GPR158: variants seen among roughly 807,000 people sequenced by gnomAD.
GPR158 encodes G protein-coupled receptor 158, also known as metabotropic glycine receptor.
In GPR158, 30 loss-of-function variants were observed where a neutral mutation model predicts 78.2. That is an observed-to-expected ratio of 0.38 (90% CI 0.29 to 0.52). The LOEUF (loss-of-function observed/expected upper bound fraction) is 0.52. Among genes scored for constraint, GPR158 ranks in the 20% least tolerant of loss-of-function variants. The probability of loss-of-function intolerance (pLI) is 0.83; values close to 1 mark genes in which losing one functional copy is unlikely to be tolerated. For synonymous variants in GPR158, 581 were observed against 591.1 expected (o/e 0.98, Z 0.25); for missense variants, 1,463 against 1,523.5 (o/e 0.96, Z 0.66).
chr10:25,429,517 T>G (rs1426700332), intron 4 of GPR158, among the ~76,000 whole-genome samples: 1 of 152,134 alleles, frequency 6.6e-6, no homozygotes, highest in African/African-American at 2.4e-5. Context: ...TAGATTACCT[T>G]TCCTTAAAAC....
intron 5 of GPR158, among the ~76,000 whole-genome samples, chr10:25,483,634 C>T (rs574244455): frequency 4.3e-4 from 65 of 152,228 alleles, no homozygotes; most frequent in African/African-American, 1.6e-3. Context: ...AAATTTGAAT[C>T]CGCTGCTGTT....
At chr10:25,229,793 G>T (rs1853424255) in intron 2 of GPR158, among the ~76,000 whole-genome samples, 1 of 152,174 alleles carries the variant, frequency 6.6e-6, no homozygotes, top group Non-Finnish European at 1.5e-5. Flanking sequence ...AATTGGGTAG[G>T]AGAGATGATG....
At chr10:25,411,043 T>C (rs575805273) in intron 3 of GPR158, among the ~76,000 whole-genome samples, 3 of 152,314 alleles carry the variant, frequency 2.0e-5, no homozygotes, top group South Asian at 2.1e-4. Context: ...AGTGAGTTCA[T>C]ATTCATTAAT....
rs1209435056 is a variant in GPR158 at position 25,200,863 on chromosome 10, G to GT, written c.903-20185dup. ...CCATAGATCTATGTATCTGTTTTTT[G>GT]TTTTGTTTTTTTTTTTTTTTTTTTC... is the stretch of plus-strand genomic sequence containing the variant. On this transcript the variant is annotated intron_variant, in intron 1 of 10. Transcript: ENST00000376351. Among the ~76,000 whole-genome samples the GT allele has an allele frequency of 5.9e-3, 496 of 84,396 alleles. 4 individuals are homozygous for GT. Among genetic ancestry groups the GT allele is most frequent in the South Asian group, 0.041 (89 of 2,174 alleles). 55.4% of individuals were successfully genotyped at this position (84,396 alleles called of 152,430 possible).
At chr10:25,196,387 T>G (rs1852844750) in intron 1 of GPR158, among the ~76,000 whole-genome samples, 1 of 152,204 alleles carries the variant, frequency 6.6e-6, no homozygotes, top group Non-Finnish European at 1.5e-5. Flanking sequence ...TTTGAGGATC[T>G]TAATTTAAAT....
intron 5 of GPR158, among the ~76,000 whole-genome samples, chr10:25,534,848 C>T (rs1260225292): frequency 6.6e-6 from 1 of 151,718 alleles, no homozygotes. Flanking sequence ...TACCATTTTT[C>T]TTACTGTTTA....
At chr10:25,581,481 A>G (rs1455172460) in intron 7 of GPR158, among the ~76,000 whole-genome samples, 4 of 152,238 alleles carry the variant, frequency 2.6e-5, no homozygotes, top group Non-Finnish European at 4.4e-5. Flanking sequence ...TGTCTTCAGA[A>G]TGATGGAACT....
chr10:25,599,399 G>GCTACACT lies in GPR158; in HGVS notation c.*125_*126insCTACACT. 1.3e-6 allele frequency: 1 copy of GCTACACT among 750,744 alleles called. No individual in the cohort carries two copies. Among genetic ancestry groups the GCTACACT allele is most frequent in the Non-Finnish European group, 2.1e-6 (1 of 468,352 alleles). 46.5% of individuals were successfully genotyped at this position (750,744 alleles called of 1,614,324 possible). A position where few individuals can be genotyped will look rare whatever the true frequency, so the allele number is the denominator to read the frequency against. ...AAAACATGACAGATGGTGAGGTAAA[G>GCTACACT]TCAAAGGCATGGGTAGAAGAGGACC... is the stretch of plus-strand genomic sequence containing the variant. On this transcript the variant is annotated 3_prime_UTR_variant, in exon 11 of 11. Coordinates refer to ENST00000376351, the MANE Select transcript of GPR158 (RefSeq NM_020752.3).
chr10:25,424,192 G>A (rs1834789478), intron 4 of GPR158, among the ~76,000 whole-genome samples: 1 of 152,288 alleles, frequency 6.6e-6, no homozygotes, highest in South Asian at 2.1e-4. Context: ...TTTGAGAAGT[G>A]TCTGTTCATA....
intron 5 of GPR158, among the ~76,000 whole-genome samples, chr10:25,491,949 A>G (rs1479081905): frequency 6.6e-6 from 1 of 152,144 alleles, no homozygotes; most frequent in Non-Finnish European, 1.5e-5. Context: ...TGTTGCCATA[A>G]AGGAATACCT....
intron 2 of GPR158, among the ~76,000 whole-genome samples, chr10:25,283,556 T>C (rs1854305212): frequency 6.6e-6 from 1 of 151,988 alleles, no homozygotes; most frequent in Non-Finnish European, 1.5e-5. Flanking sequence ...GTTAATCTTT[T>C]AAAATAACTC....
intron 5 of GPR158, among the ~76,000 whole-genome samples, chr10:25,547,423 G>A (rs1836676780): frequency 6.6e-6 from 1 of 151,994 alleles, no homozygotes; most frequent in Non-Finnish European, 1.5e-5. Context: ...GTAACTATAC[G>A]CTCCACACTC....
In GPR158 at chr10:25,598,634, T is replaced by G; in HGVS notation, c.3008T>G (p.Ile1003Ser). The G allele has an allele frequency of 6.2e-7, 1 of 1,613,998 alleles. No homozygotes were observed. The highest frequency in any genetic ancestry group is 2.2e-5 in the East Asian group (1 of 44,864). ...ACCCAGATGAAGGACAACTTTGACA[T>G]TGGGGAGGTGTGTCCTTGGGAGGTT... ...GTTQMKDNFD[I>S]GEVCPWEVYD... Residue 1003 changes from isoleucine (I) to serine (S), a missense_variant, in exon 11 of 11, where the codon ATT becomes AGT. Ile to Ser is a moderately radical substitution (Grantham distance 142). Transcript: ENST00000376351.
intron 2 of GPR158, among the ~76,000 whole-genome samples, chr10:25,299,231 T>G (rs1854557649): frequency 6.6e-6 from 1 of 151,508 alleles, no homozygotes; most frequent in Non-Finnish European, 1.5e-5. Context: ...CTTAAGTGGG[T>G]GTGTGTGTGT....
intron 10 of GPR158, 63 bp downstream of exon 10, chr10:25,596,852 G>C: frequency 6.8e-7 from 1 of 1,463,282 alleles, no homozygotes; most frequent in Non-Finnish European, 9.5e-7. Context: ...AGGCAGGCGT[G>C]TGTGGGTTGG....
At chr10:25,381,187 A>T (rs1376800474) in intron 2 of GPR158, among the ~76,000 whole-genome samples, 1 of 152,248 alleles carries the variant, frequency 6.6e-6, no homozygotes, top group African/African-American at 2.4e-5. Flanking sequence ...GGGAATGGTC[A>T]GAAGTGTCTC....
chr10:25,329,150 T>C (rs1486465758), intron 2 of GPR158, among the ~76,000 whole-genome samples: 1 of 151,868 alleles, frequency 6.6e-6, no homozygotes, highest in Non-Finnish European at 1.5e-5. Flanking sequence ...CTAAGATGCA[T>C]TTTAGGCCAG....
chr10:25,542,183 C>G (rs1460108389), intron 5 of GPR158, among the ~76,000 whole-genome samples: 1 of 152,022 alleles, frequency 6.6e-6, no homozygotes, highest in East Asian at 1.9e-4. Context: ...AACCCCAAAG[C>G]ACATAACACC....
At chr10:25,284,325 A>T (rs963551305) in intron 2 of GPR158, among the ~76,000 whole-genome samples, 1 of 151,974 alleles carries the variant, frequency 6.6e-6, no homozygotes, top group Non-Finnish European at 1.5e-5. Context: ...TATATACAGA[A>T]TTTTTATGTC....
Sources: gnomAD v4.1 joint callset for allele counts (sites outside exome capture counted in the v4.1 genomes callset) on GRCh38, gnomAD v4.1.1 for gene constraint, MANE v1.5 for transcripts, NCBI Gene and HGNC (gene_info 2026-07-23, HGNC 2026-07-21) for gene names.